PPP2R1A: variants seen among roughly 807,000 people sequenced by gnomAD.
PPP2R1A encodes serine/threonine-protein phosphatase 2A 65 kDa regulatory subunit A alpha isoform.
In PPP2R1A, 15 loss-of-function variants were observed where a neutral mutation model predicts 67.1. That is an observed-to-expected ratio of 0.22 (90% CI 0.15 to 0.34). The LOEUF (loss-of-function observed/expected upper bound fraction) is 0.34. Among genes scored for constraint, PPP2R1A ranks in the 10% least tolerant of loss-of-function variants. PPP2R1A has a pLI of 1.00. For synonymous variants in PPP2R1A, 337 were observed against 325.0 expected (o/e 1.04, Z -0.40); for missense variants, 369 against 775.0 (o/e 0.48, Z 6.22).
chr19:52,197,166 C>T (rs2089504131), intron 1 of PPP2R1A, among the ~76,000 whole-genome samples: 1 of 152,060 alleles, frequency 6.6e-6, no homozygotes, highest in Non-Finnish European at 1.5e-5. Flanking sequence ...ATTTAACTTC[C>T]CTTCTGTTAT....
At chr19:52,210,484 CTTTTTT>C (rs112983236) in intron 3 of PPP2R1A, among the ~76,000 whole-genome samples, 41 of 126,970 alleles carry the variant, frequency 3.2e-4, no homozygotes, top group Non-Finnish European at 6.2e-4. Context: ...GTTTTCTCTT[CTTTTTT>C]TTTTTTTTTT....
Position 52,226,001 on chromosome 19 carries a change from A to G in PPP2R1A, c.*20A>G, listed in dbSNP as rs769738573. ...GCCTGATGCTGGAAGAGGAGCAAAC[A>G]CTGGCCTCTGGTGTCCACCCTCCAA... On this transcript the variant is annotated 3_prime_UTR_variant, in exon 15 of 15. Transcript: ENST00000322088. The G allele has an allele frequency of 1.9e-6, 3 of 1,614,174 alleles. No individual in the cohort carries two copies. The South Asian group carries it at 3.3e-5, about 18-fold the overall frequency.
intron 11 of PPP2R1A, 88 bp from the exon 12 acceptor site, chr19:52,220,891 G>T: frequency 6.7e-7 from 1 of 1,492,248 alleles, no homozygotes. Flanking sequence ...GGGCTGCTTT[G>T]TAAGCCATGG....
chr19:52,194,896 A>G (rs2089484532), intron 1 of PPP2R1A, among the ~76,000 whole-genome samples: 1 of 152,154 alleles, frequency 6.6e-6, no homozygotes, highest in Non-Finnish European at 1.5e-5. Flanking sequence ...ACCGTGTGGG[A>G]CCAAGTCAGC....
At position 52,213,862 on chromosome 19, in the gene PPP2R1A, C is replaced by T. The variant is rs1422985960; in HGVS notation, c.807+752C>T. On this transcript the variant is annotated intron_variant, in intron 6 of 14. Transcript: ENST00000322088. The surrounding 1 kb of genome is among the most constrained non-coding windows in gnomAD (Gnocchi z 4.2). ...GGGACAAGACTCCAGGTCTGTGACTCTCAGGACAGTGCTCCTTCCACAGGG... is the reference window on the plus strand; with the variant it reads ...GGGACAAGACTCCAGGTCTGTGACTTTCAGGACAGTGCTCCTTCCACAGGG... Among the ~76,000 whole-genome samples, 1 of 152,124 alleles carries T rather than the reference C, an allele frequency of 6.6e-6. No individual in the cohort carries two copies. The highest frequency in any genetic ancestry group is 2.1e-4 in the South Asian group (1 of 4,824).
rs749787331 is a variant in PPP2R1A at position 52,215,999 on chromosome 19, C to T, written c.923-5C>T. The stretch of plus-strand genomic sequence containing the variant: ...TTCCCTTTGCCTCCCTCTCCCTGCC[C>T]ACAGAGTTCTGTGAAAACCTCTCAG... On this transcript the variant is annotated splice_region_variant and splice_polypyrimidine_tract_variant and intron_variant, in intron 7 of 14. Transcript: ENST00000322088. The T allele has an allele frequency of 5.6e-6, 9 of 1,613,844 alleles. No individual in the cohort carries two copies. In the South Asian group the frequency reaches 8.8e-5, roughly 16 times the overall value.
In PPP2R1A at chr19:52,220,223, T is replaced by A; in HGVS notation, c.1337T>A (p.Leu446Ter). Reference protein sequence around the residue: ...VEFFDEKLNSLCMAWLVDHVY... With the variant: ...VEFFDEKLNS ...TTCTTTGATGAGAAACTTAACTCCT[T>A]GTGCATGGCCTGGCTTGTGGATCAT... is the stretch of plus-strand genomic sequence containing the variant. The change falls in exon 11 of 15, where the codon TTG (leucine) becomes TAG (stop). Residue 446 changes from leucine (L) to a stop codon, truncating the protein, a stop_gained. Coordinates refer to ENST00000322088, the MANE Select transcript of PPP2R1A (RefSeq NM_014225.6). LOFTEE classifies it high-confidence loss of function. The A allele has an allele frequency of 6.2e-7, 1 of 1,614,042 alleles. No homozygotes were observed. Among genetic ancestry groups the A allele is most frequent in the Non-Finnish European group, 8.5e-7 (1 of 1,179,986 alleles).
chr19:52,219,904 G>C lies in PPP2R1A; in HGVS notation c.1302+40G>C, dbSNP rs902879350. ...CTGGGGGCCAGGCAGTGCTGCCTCA[G>C]GGGAGGTGCAGTATGTCCAGGGCTG... On this transcript the variant is annotated intron_variant, in intron 10 of 14. Transcript: ENST00000322088. This position sits in a 1 kb window ranked among gnomAD's most constrained non-coding sequence, Gnocchi z 4.0. 6.3e-7 allele frequency: 1 copy of C among 1,583,580 alleles called. No homozygotes were observed. Among genetic ancestry groups the C allele is most frequent in the Admixed American group, 1.7e-5 (1 of 58,394 alleles).
chr19:52,200,622 G>T (rs2089537956), intron 1 of PPP2R1A, among the ~76,000 whole-genome samples: 1 of 152,214 alleles, frequency 6.6e-6, no homozygotes, highest in African/African-American at 2.4e-5. Context: ...TTCTCTCACA[G>T]TTCTGGAGGC....
chr19:52,211,165 TGAG>T lies in PPP2R1A; in HGVS notation c.271-91_271-89del. On this transcript the variant is annotated intron_variant, in intron 3 of 14. Transcript: ENST00000322088. This position sits in a 1 kb window ranked among gnomAD's most constrained non-coding sequence, Gnocchi z 5.3. ...GGATGGGTAATAGGGAAGTTTTCTCTGAGGAGATGAGCCCATGATGGGGTGCAG... is the reference window on the plus strand; with the variant it reads ...GGATGGGTAATAGGGAAGTTTTCTCTGAGATGAGCCCATGATGGGGTGCAG... The T allele has an allele frequency of 8.3e-7, 1 of 1,207,566 alleles. No homozygotes were observed. Among genetic ancestry groups the T allele is most frequent in the East Asian group, 2.6e-5 (1 of 38,994 alleles). The allele number at this position is 1,207,566 out of a possible 1,614,324, so 74.8% of individuals were successfully genotyped here.
In PPP2R1A at chr19:52,226,722, A is replaced by G. The variant is rs1178279014; in HGVS notation, c.*741A>G. On this transcript the variant is annotated 3_prime_UTR_variant, in exon 15 of 15. Coordinates refer to ENST00000322088, the MANE Select transcript of PPP2R1A (RefSeq NM_014225.6). Reference sequence around the variant, plus strand: ...GGTCCAAATTGTGGCTCCTTCAGTTAATAGACGTGTGACTAGGAGTAGCTT... The same window carrying G: ...GGTCCAAATTGTGGCTCCTTCAGTTGATAGACGTGTGACTAGGAGTAGCTT... 1 of 163,654 alleles carries G rather than the reference A, an allele frequency of 6.1e-6. No homozygotes were observed. The highest frequency in any genetic ancestry group is 2.4e-5 in the African/African-American group (1 of 41,780). 10.1% of individuals were successfully genotyped at this position (163,654 alleles called of 1,614,324 possible). A position where few individuals can be genotyped will look rare whatever the true frequency, so the allele number is the denominator to read the frequency against.
In PPP2R1A at chr19:52,192,296, G is replaced by C. The variant is rs2089461330; in HGVS notation, c.78+2122G>C. ...AGGAAGAGGGAACAGATATGTAATGGCCTTTTTTTTTTTTTCTTCTTTTTT... is the reference window on the plus strand; with the variant it reads ...AGGAAGAGGGAACAGATATGTAATGCCCTTTTTTTTTTTTTCTTCTTTTTT... On this transcript the variant is annotated intron_variant, in intron 1 of 14. Transcript: ENST00000322088. 2.6e-5 allele frequency among the ~76,000 whole-genome samples: 4 copies of C among 151,352 alleles called. No homozygotes were observed. In the South Asian group the frequency reaches 6.3e-4, roughly 24 times the overall value.
intron 9 of PPP2R1A, among the ~76,000 whole-genome samples, chr19:52,218,972 T>C (rs1204458832): frequency 6.6e-6 from 1 of 152,244 alleles, no homozygotes; most frequent in Admixed American, 6.5e-5. Context: ...CATTTTAGAT[T>C]TATAAACTTT....
At position 52,196,540 on chromosome 19, in the gene PPP2R1A, C is replaced by G. The variant is rs190754710; in HGVS notation, c.79-5404C>G. ...CCTCCCTTTTATGAAGGAGGAAAAT[C>G]TCTCCTGAATCTCCTCAGCAGACTT... On this transcript the variant is annotated intron_variant, in intron 1 of 14. Transcript: ENST00000322088. Among the ~76,000 whole-genome samples the G allele has an allele frequency of 3.3e-5, 5 of 152,326 alleles. No homozygotes were observed. In the East Asian group the frequency reaches 9.6e-4, roughly 29 times the overall value.
chr19:52,201,921 T>A lies in PPP2R1A; in HGVS notation c.79-23T>A, dbSNP rs756069927. On this transcript the variant is annotated intron_variant, in intron 1 of 14. Coordinates refer to ENST00000322088, the MANE Select transcript of PPP2R1A (RefSeq NM_014225.6). Reference sequence around the variant, plus strand: ...GTCTGGGATTTCTAACATTCTCCCCTCCTCTTCTTGTTCTCTCATTAGCTT... The same window carrying A: ...GTCTGGGATTTCTAACATTCTCCCCACCTCTTCTTGTTCTCTCATTAGCTT... The A allele has an allele frequency of 1.6e-5, 26 of 1,608,842 alleles. No homozygotes were observed. In the South Asian group the frequency reaches 2.6e-4, roughly 16 times the overall value.
At chr19:52,202,221 A>G (rs995227624) in intron 2 of PPP2R1A, among the ~76,000 whole-genome samples, 187 bp downstream of exon 2, 1 of 152,198 alleles carries the variant, frequency 6.6e-6, no homozygotes, top group Admixed American at 6.5e-5. Context: ...GGAATGATGG[A>G]GACAGATGGT....
Position 52,221,153 on chromosome 19 carries a change from G to A in PPP2R1A, c.1518+20G>A. 6.2e-7 allele frequency: 1 copy of A among 1,614,000 alleles called. No homozygotes were observed. The highest frequency in any genetic ancestry group is 2.2e-5 in the East Asian group (1 of 44,884). ...ATCAATGTGAGCCTTCCACCTGCCT[G>A]CTGGCCCATCCCTAGGGAACTGGAG... is the stretch of plus-strand genomic sequence containing the variant. On this transcript the variant is annotated intron_variant, in intron 12 of 14. Transcript: ENST00000322088.
chr19:52,229,511 T>A lies in PPP2R1A; in HGVS notation c.*3530T>A, dbSNP rs8106544. ...CCAATAAAGATTTAGTGCCAGGCCT[T>A]GACTCCAGCAGGCCTTCCCCGCTCT... On this transcript the variant is annotated 3_prime_UTR_variant, in exon 15 of 15. Transcript: ENST00000322088. The A allele has an allele frequency of 0.16, 24,542 of 151,946 alleles. 2,548 individuals carry two copies. The highest frequency in any genetic ancestry group is 0.3 in the African/African-American group (12,424 of 41,372). 9.4% of individuals were successfully genotyped at this position (151,946 alleles called of 1,614,324 possible).
chr19:52,200,226 A>C (rs890254321), intron 1 of PPP2R1A: 1 of 152,120 alleles, frequency 6.6e-6, no homozygotes, highest in Non-Finnish European at 1.5e-5. Flanking sequence ...TCATGAAAGC[A>C]TTTCCTCCCA....
Sources: allele counts gnomAD v4.1 joint callset (sites outside exome capture counted in the v4.1 genomes callset), GRCh38; gene constraint gnomAD v4.1.1; non-coding constraint Gnocchi (gnomAD v3.1); transcripts MANE v1.5; gene names NCBI Gene and HGNC (gene_info 2026-07-23, HGNC 2026-07-21).